The following ZBTB25 variants were observed in gnomAD, a reference collection of about 807,000 sequenced individuals.
The protein encoded by ZBTB25 is zinc finger and BTB domain-containing protein 25.
ZBTB25 carries 20 observed loss-of-function variants against 34.2 expected under a neutral mutation model. That is an observed-to-expected ratio of 0.58 (90% CI 0.41 to 0.85). ZBTB25 has a LOEUF of 0.85. ZBTB25 is among the 40% of genes least tolerant of loss of function. ZBTB25 has a pLI of 0.00. For missense variants in ZBTB25, 437 were observed against 521.8 expected (o/e 0.84, Z 1.58); for synonymous variants, 175 against 186.4 (o/e 0.94, Z 0.50).
In ZBTB25 at chr14:64,485,883, TG is replaced by T. The variant is rs1429248756; in HGVS notation, c.*1039del. 2.4e-5 allele frequency: 24 copies of T among 985,334 alleles called. No individual in the cohort carries two copies. The highest frequency in any genetic ancestry group is 2.9e-5 in the Non-Finnish European group (24 of 829,932). The allele number at this position is 985,334 out of a possible 1,614,324, so 61.0% of individuals were successfully genotyped here. A position where few individuals can be genotyped will look rare whatever the true frequency, so the allele number is the denominator to read the frequency against. ...ACACTCTAGACCAAGTTAACAACCCTGGGGTTTTTAGTCAATGCAGTTCTAG... is the reference window on the plus strand; with the variant it reads ...ACACTCTAGACCAAGTTAACAACCCTGGGTTTTTAGTCAATGCAGTTCTAG... On this transcript the variant is annotated 3_prime_UTR_variant, in exon 3 of 3. Transcript: ENST00000608382.
At chr14:64,468,509 A>G (rs1242940961) in intron 2 of ZBTB25, 3 of 1,613,982 alleles carry the variant, frequency 1.9e-6, no homozygotes, top group Non-Finnish European at 2.5e-6. Flanking sequence ...TTGCTTCAAG[A>G]GAAGAAAGAA....
Position 64,501,875 on chromosome 14 carries a change from T to C in ZBTB25, c.-8+1786A>G, listed in dbSNP as rs556900237. ...AGGCATAGAGGGCAGCTGAAAGTCC[T>C]GCTTGGCCTCTCTGGGCAACCACAG... On this transcript the variant is annotated intron_variant, in intron 1 of 2. Coordinates refer to ENST00000608382, the MANE Select transcript of ZBTB25 (RefSeq NM_006977.5). Among the ~76,000 whole-genome samples, 349 of 152,350 alleles carry C rather than the reference T, an allele frequency of 2.3e-3. 1 individual carries two copies. Among genetic ancestry groups the C allele is most frequent in the African/African-American group, 7.7e-3 (322 of 41,576 alleles).
At position 64,503,661 on chromosome 14, in the gene ZBTB25, C is replaced by T. The variant is rs942929316; in HGVS notation, c.-8G>A. On this transcript the variant is annotated splice_region_variant and 5_prime_UTR_variant, in exon 1 of 3. Transcript: ENST00000608382. ...ACAGGGGCAGGACCGCGTCGCTTAC[C>T]CAGATGCCGCCGCGGCGGCAGGCCG... 127 of 970,410 alleles carry T rather than the reference C, an allele frequency of 1.3e-4. No homozygotes were observed. The highest frequency in any genetic ancestry group is 8.0e-4 in the East Asian group (7 of 8,702). 60.1% of individuals were successfully genotyped at this position (970,410 alleles called of 1,614,324 possible).
At chr14:64,472,595 A>G (rs755720002) in intron 2 of ZBTB25, 6 of 166,992 alleles carry the variant, frequency 3.6e-5, no homozygotes, top group Non-Finnish European at 7.3e-5. Flanking sequence ...CTGTTTTTCT[A>G]TTGAGAATAT....
chr14:64,486,070 C>T lies in ZBTB25; in HGVS notation c.*853G>A, dbSNP rs987970936. 17 of 947,428 alleles carry T rather than the reference C, an allele frequency of 1.8e-5. 1 individual carries two copies. The Admixed American group carries it at 2.5e-4, about 14-fold the overall frequency. 58.7% of individuals were successfully genotyped at this position (947,428 alleles called of 1,614,324 possible). A position where few individuals can be genotyped will look rare whatever the true frequency, so the allele number is the denominator to read the frequency against. On this transcript the variant is annotated 3_prime_UTR_variant, in exon 3 of 3. Coordinates refer to ENST00000608382, the MANE Select transcript of ZBTB25 (RefSeq NM_006977.5). ...ATCCCAGCACTTTGGGAGGCCAAGG[C>T]GGGCAGATGACGAGGTCAGGAGATC...
rs554996336 is a variant in ZBTB25, at chr14:64,483,678, C to G, written c.*3245G>C. The G allele has an allele frequency of 3.3e-5, 5 of 152,178 alleles. No homozygotes were observed. The highest frequency in any genetic ancestry group is 9.6e-5 in the African/African-American group (4 of 41,512). The allele number at this position is 152,178 out of a possible 1,614,324, so 9.4% of individuals were successfully genotyped here. ...CACAGTGTTAGGCATATGACAGTTACTTTAAAAAATGCCTGCAGACCCGGG... is the reference window on the plus strand; with the variant it reads ...CACAGTGTTAGGCATATGACAGTTAGTTTAAAAAATGCCTGCAGACCCGGG... On this transcript the variant is annotated 3_prime_UTR_variant, in exon 3 of 3. Coordinates refer to ENST00000608382, the MANE Select transcript of ZBTB25 (RefSeq NM_006977.5).
exon 3 of ZBTB25, chr14:64,449,412 T>G: frequency 6.2e-7 from 1 of 1,610,034 alleles, no homozygotes; most frequent in Non-Finnish European, 8.5e-7. Context: ...CCAGCCATTT[T>G]CCATGCTTTG....
intron 1 of ZBTB25, among the ~76,000 whole-genome samples, chr14:64,498,972 C>G (rs73267730): frequency 1.8e-3 from 279 of 152,256 alleles, no homozygotes; most frequent in African/African-American, 6.2e-3. Flanking sequence ...GTGATTCTAA[C>G]GTGACTGCTC....
rs61367816 is a variant in ZBTB25, at chr14:64,490,208, C to CAAAA, written c.173+149_173+152dup. 2.1e-4 allele frequency among the ~76,000 whole-genome samples: 19 copies of CAAAA among 90,950 alleles called. 3 individuals are homozygous for CAAAA. The highest frequency in any genetic ancestry group is 1.1e-3 in the African/African-American group (18 of 16,170). The allele number at this position is 90,950 out of a possible 152,430, so 59.7% of individuals were successfully genotyped here. A position where few individuals can be genotyped will look rare whatever the true frequency, so the allele number is the denominator to read the frequency against. On this transcript the variant is annotated intron_variant, in intron 2 of 2. Transcript: ENST00000608382. ...GGGTGACAGAGCAAGACTCTGTCGC[C>CAAAA]AAAAAAAAAAAAAAAAAAAAAAAAA...
At position 64,490,448 on chromosome 14, in the gene ZBTB25, G is replaced by C. The variant is rs752154810; in HGVS notation, c.86C>G (p.Ala29Gly). The C allele has an allele frequency of 6.2e-6, 10 of 1,613,788 alleles. No individual in the cohort carries two copies. Among genetic ancestry groups the C allele is most frequent in the East Asian group, 2.2e-5 (1 of 44,870 alleles). Residue 29 changes from alanine (A) to glycine (G), a missense_variant, in exon 2 of 3, where the codon GCA becomes GGA. Ala to Gly is a moderately conservative substitution (Grantham distance 60). Transcript: ENST00000608382. ...GGCTTTGAAGTAAACATCTCCAATTGCAACTGTGCAATCACACAGAAAACC... is the reference window on the plus strand; with the variant it reads ...GGCTTTGAAGTAAACATCTCCAATTCCAACTGTGCAATCACACAGAAAACC... ...EFGFLCDCTVAIGDVYFKAHR... is the reference protein window; with the variant it reads ...EFGFLCDCTVGIGDVYFKAHR...
chr14:64,475,699 A>G (rs1240024097), downstream of ZBTB25, among the ~76,000 whole-genome samples: 1 of 152,168 alleles, frequency 6.6e-6, no homozygotes, highest in Non-Finnish European at 1.5e-5. Flanking sequence ...ACATTCACAG[A>G]AAATCCTCTG....
At chr14:64,454,414 C>G (rs2078430235) in intron 2 of ZBTB25, among the ~76,000 whole-genome samples, 1 of 152,144 alleles carries the variant, frequency 6.6e-6, no homozygotes, top group South Asian at 2.1e-4. Flanking sequence ...GCACCTGACC[C>G]TCTCCAATTT....
chr14:64,461,041 T>C (rs1358166003), intron 2 of ZBTB25: 1 of 151,828 alleles, frequency 6.6e-6, no homozygotes, highest in Admixed American at 6.6e-5. Context: ...ATAAATCAAA[T>C]ATTTTTCCTT....
At chr14:64,449,622 G>A (rs375671502) in exon 3 of ZBTB25, 1 of 1,614,010 alleles carries the variant, frequency 6.2e-7, no homozygotes, top group Non-Finnish European at 8.5e-7. Context: ...ATGACCTCAA[G>A]GTGGGTGATT....
At chr14:64,449,158 A>C (rs1306202714) in exon 3 of ZBTB25, 2 of 455,798 alleles carry the variant, frequency 4.4e-6, no homozygotes, top group African/African-American at 2.0e-5. Flanking sequence ...GAATTTTCCA[A>C]GTATTTTACA....
At position 64,480,211 on chromosome 14, in the gene ZBTB25, T is replaced by A. The variant is rs2078765872; in HGVS notation, c.*6712A>T. ...AGTGGTGGGAACCTGTAATCTCAGC[T>A]ACTCGGGAGGCTGAGGCAGGAGAAT... On this transcript the variant is annotated 3_prime_UTR_variant, in exon 3 of 3. Transcript: ENST00000608382. 1 of 248,836 alleles carries A rather than the reference T, an allele frequency of 4.0e-6. No individual in the cohort carries two copies. Among genetic ancestry groups the A allele is most frequent in the Non-Finnish European group, 8.0e-6 (1 of 124,250 alleles). 15.4% of individuals were successfully genotyped at this position (248,836 alleles called of 1,614,324 possible).
At chr14:64,500,404 A>G (rs2079445441) in intron 1 of ZBTB25, among the ~76,000 whole-genome samples, 1 of 151,332 alleles carries the variant, frequency 6.6e-6, no homozygotes, top group South Asian at 2.1e-4. Context: ...ATGAATTAGA[A>G]AAATATAAAA....
In ZBTB25 at chr14:64,469,640, GC is replaced by G. The variant is rs754602633; in HGVS notation, c.174-20003del. On this transcript the variant is annotated intron_variant, in intron 2 of 2. Coordinates refer to the ZBTB25 transcript ENST00000555220. ...AATAGAACAGCTGGTTAATGAAATG[GC>G]CTCTGATGATAATAAAATAAACAAT... The G allele has an allele frequency of 3.1e-6, 5 of 1,598,732 alleles. No individual in the cohort carries two copies. In the Admixed American group the frequency reaches 9.0e-5, roughly 29 times the overall value.
At position 64,487,153 on chromosome 14, in the gene ZBTB25, G is replaced by A. The variant is rs552403670; in HGVS notation, c.1078C>T (p.Arg360Ter). ...ATGTGTTCCAACAATTGGCTCTTTCGAGGGAATTTATGACCACAGATGGTA... is the reference window on the plus strand; with the variant it reads ...ATGTGTTCCAACAATTGGCTCTTTCAAGGGAATTTATGACCACAGATGGTA... The part of the protein sequence containing the change: ...SCTICGHKFP[R>*]KSQLLEHMYT... Residue 360 changes from arginine to a stop codon, truncating the protein, a stop_gained, in exon 3 of 3, where the codon CGA (arginine) becomes TGA (stop). Coordinates refer to ENST00000608382, the MANE Select transcript of ZBTB25 (RefSeq NM_006977.5). LOFTEE classifies it high-confidence loss of function. The A allele has an allele frequency of 8.7e-6, 14 of 1,613,982 alleles. No individual in the cohort carries two copies. The highest frequency in any genetic ancestry group is 4.5e-5 in the East Asian group (2 of 44,892).
Sources: gnomAD v4.1 joint callset for allele counts (sites outside exome capture counted in the v4.1 genomes callset) on GRCh38, gnomAD v4.1.1 for gene constraint, MANE v1.5 for transcripts, NCBI Gene and HGNC (gene_info 2026-07-23, HGNC 2026-07-21) for gene names.